The following AMBRA1 variants were observed in gnomAD, a reference collection of about 807,000 sequenced individuals.
AMBRA1 encodes the protein activating molecule in BECN1-regulated autophagy protein 1.
In AMBRA1, 47 loss-of-function variants were observed where a neutral mutation model predicts 125.4. That is an observed-to-expected ratio of 0.37 (90% CI 0.30 to 0.48). The LOEUF (loss-of-function observed/expected upper bound fraction) is 0.48. AMBRA1 is among the 20% of genes least tolerant of loss of function. AMBRA1 has a pLI of 0.99. For missense variants in AMBRA1, 1,331 were observed against 1,693.4 expected, an observed-to-expected ratio of 0.79 and a Z score of 3.76; for synonymous variants, 626 against 655.5, an observed-to-expected ratio of 0.95 and a Z score of 0.69.
chr11:46,479,296 A>G (rs1186313239), intron 11 of AMBRA1, among the ~76,000 whole-genome samples: 2 of 152,196 alleles, frequency 1.3e-5, no homozygotes, highest in Non-Finnish European at 2.9e-5. Context: ...TGTTACAGTA[A>G]TGGCCCCAAA....
At chr11:46,532,430 G>A (rs1952259336) in intron 7 of AMBRA1, among the ~76,000 whole-genome samples, 1 of 152,162 alleles carries the variant, frequency 6.6e-6, no homozygotes, top group South Asian at 2.1e-4. Flanking sequence ...AGCTTATGGG[G>A]GAAGAAAGGT....
chr11:46,400,485 T>G (rs967652100), intron 17 of AMBRA1, among the ~76,000 whole-genome samples: 2 of 71,066 alleles, frequency 2.8e-5, no homozygotes, highest in South Asian at 4.8e-4. Flanking sequence ...TTTTTTTTTT[T>G]TTTTTTTTTT....
intron 14 of AMBRA1, among the ~76,000 whole-genome samples, chr11:46,421,752 T>C (rs2136663494): frequency 6.6e-6 from 1 of 152,358 alleles, no homozygotes; most frequent in Non-Finnish European, 1.5e-5. Context: ...AGTTTCTCAG[T>C]ACTGACAGAT....
At chr11:46,460,997 C>T (rs1729049893) in intron 11 of AMBRA1, among the ~76,000 whole-genome samples, 1 of 152,184 alleles carries the variant, frequency 6.6e-6, no homozygotes, top group South Asian at 2.1e-4. Context: ...AATCCCAGCA[C>T]TTTGGGAGGC....
intron 11 of AMBRA1, among the ~76,000 whole-genome samples, chr11:46,447,927 G>A (rs1948387423): frequency 6.6e-6 from 1 of 152,092 alleles, no homozygotes; most frequent in African/African-American, 2.4e-5. Context: ...AATAGTGATG[G>A]CAAATACTAA....
intron 7 of AMBRA1, among the ~76,000 whole-genome samples, chr11:46,513,266 T>A (rs1244539162): frequency 1.5e-5 from 2 of 133,634 alleles, no homozygotes; most frequent in Non-Finnish European, 3.0e-5. Flanking sequence ...ACGCTCTTTT[T>A]TCTTTTTTTT....
At chr11:46,534,207 T>C (rs1952355065) in intron 7 of AMBRA1, among the ~76,000 whole-genome samples, 1 of 150,798 alleles carries the variant, frequency 6.6e-6, no homozygotes. Context: ...TAGCACCTGG[T>C]GCCAGCCAGG....
intron 4 of AMBRA1, 25 bp downstream of exon 4, chr11:46,547,088 A>G (rs376621837): frequency 3.8e-6 from 6 of 1,567,366 alleles, no homozygotes; most frequent in Non-Finnish European, 5.2e-6. Flanking sequence ...ACCAAAAGAA[A>G]AGGGTATCTT....
intron 9 of AMBRA1, among the ~76,000 whole-genome samples, chr11:46,496,214 GA>G (rs972130857): frequency 3.9e-4 from 57 of 144,798 alleles, no homozygotes; most frequent in East Asian, 2.6e-3. Flanking sequence ...TCTCTACTAA[GA>G]AAAAAAAAAA....
At chr11:46,577,657 GA>G (rs906410498) in intron 1 of AMBRA1, among the ~76,000 whole-genome samples, 2 of 151,812 alleles carry the variant, frequency 1.3e-5, no homozygotes, top group African/African-American at 2.4e-5. Flanking sequence ...AAAGAAAAAA[GA>G]AAAAAAATTC....
intron 17 of AMBRA1, among the ~76,000 whole-genome samples, chr11:46,405,414 A>G (rs539858261): frequency 1.3e-5 from 2 of 152,330 alleles, no homozygotes; most frequent in Admixed American, 6.5e-5. Flanking sequence ...AGCTCAGTGA[A>G]ATCAAATCAG....
chr11:46,480,746 A>G (rs1411681085), intron 11 of AMBRA1, among the ~76,000 whole-genome samples: 2 of 152,218 alleles, frequency 1.3e-5, no homozygotes, highest in African/African-American at 4.8e-5. Flanking sequence ...AGCTACATAC[A>G]TGAAAAAAAT....
chr11:46,578,401 T>G (rs2044039502), intron 1 of AMBRA1, among the ~76,000 whole-genome samples: 1 of 150,526 alleles, frequency 6.6e-6, no homozygotes, highest in Non-Finnish European at 1.5e-5. Context: ...GCAACAGAGT[T>G]GCTTGAACCT....
rs370651158 is a variant in AMBRA1, at chr11:46,418,040, C to T, written c.2989G>A (p.Val997Ile). 1.7e-5 allele frequency: 27 copies of T among 1,587,478 alleles called. No individual in the cohort carries two copies. The highest frequency in any genetic ancestry group is 5.7e-5 in the South Asian group (5 of 87,960). Reference protein sequence around the residue: ...GETSMRRVFNVLYPMPADQRR... With the variant: ...GETSMRRVFNILYPMPADQRR... ...TGGTCGGCAGGCATGGGATAAAGGA[C>T]GTTGAAAACTCTCTAGGTAGAGGAA... Residue 997 changes from valine to isoleucine, a missense_variant, in exon 15 of 18, where the codon GTC (valine) becomes ATC (isoleucine). Physicochemically the swap from Val to Ile is conservative, Grantham distance 29. Around this residue, in one of 4 missense-constraint regions of AMBRA1, gnomAD observed 354 missense variants for 532.7 expected, o/e 0.66. Transcript: ENST00000683756.
intron 12 of AMBRA1, among the ~76,000 whole-genome samples, chr11:46,441,251 C>T (rs552453788): frequency 1.3e-5 from 2 of 152,152 alleles, no homozygotes; most frequent in East Asian, 3.9e-4. Flanking sequence ...CGGTGGCTCA[C>T]GCCTGTAATC....
At chr11:46,514,620 T>G (rs759969746) in intron 7 of AMBRA1, among the ~76,000 whole-genome samples, 2 of 152,176 alleles carry the variant, frequency 1.3e-5, no homozygotes, top group African/African-American at 2.4e-5. Flanking sequence ...TACAGTTGTG[T>G]GACACAGTTT....
chr11:46,591,336 A>G (rs983018551), intron 1 of AMBRA1: 1 of 152,210 alleles, frequency 6.6e-6, no homozygotes, highest in African/African-American at 2.4e-5. Flanking sequence ...CTCCATAAAG[A>G]TAGTCTGGTG....
chr11:46,477,100 CAAA>C (rs966567377), intron 11 of AMBRA1, among the ~76,000 whole-genome samples: 5 of 72,068 alleles, frequency 6.9e-5, no homozygotes, highest in Non-Finnish European at 8.5e-5. Context: ...AAGACTGTCT[CAAA>C]AAAAAAAAAA....
chr11:46,545,937 G>T, intron 4 of AMBRA1, 161 bp from the exon 5 acceptor site: 1 of 627,096 alleles, frequency 1.6e-6, no homozygotes. Context: ...ATCTGGTAGT[G>T]CCACTAATTT....
Sources: gnomAD v4.1 joint callset for allele counts (sites outside exome capture counted in the v4.1 genomes callset) on GRCh38, gnomAD v4.1.1 for gene constraint, gnomAD v4.1.1 regional missense constraint, MANE v1.5 for transcripts, NCBI Gene and HGNC (gene_info 2026-07-23, HGNC 2026-07-21) for gene names.